CSGALNACT1: variants seen among roughly 807,000 people sequenced by gnomAD.
CSGALNACT1 encodes beta4GalNAcT-1.
Under a neutral mutation model 51.0 loss-of-function variants are expected in CSGALNACT1, and 52 were observed. The observed-to-expected ratio is 1.02, with a 90% CI of 0.82 to 1.29. The LOEUF (loss-of-function observed/expected upper bound fraction) is 1.29. Among genes scored for constraint, CSGALNACT1 ranks in the 50% most tolerant of loss-of-function variants. CSGALNACT1 has a pLI of 0.00. For synonymous variants in CSGALNACT1, 341 were observed against 254.4 expected, an observed-to-expected ratio of 1.34 and a Z score of -3.24; for missense variants, 935 against 679.2, an observed-to-expected ratio of 1.38 and a Z score of -4.19.
At chr8:19,680,868 CT>C in intron 1 of CSGALNACT1, among the ~76,000 whole-genome samples, 1 of 152,158 alleles carries the variant, frequency 6.6e-6, no homozygotes, top group South Asian at 2.1e-4. Flanking sequence ...ACCATTTTTC[CT>C]ACTTGATCTG....
chr8:19,547,474 GA>G (rs978363198), intron 3 of CSGALNACT1, among the ~76,000 whole-genome samples: 3 of 152,042 alleles, frequency 2.0e-5, no homozygotes, highest in Non-Finnish European at 4.4e-5. Context: ...TCATGGTAAT[GA>G]ATAAGTCTCA....
At chr8:19,561,615 C>A (rs560024814) in intron 3 of CSGALNACT1, among the ~76,000 whole-genome samples, 2 of 152,328 alleles carry the variant, frequency 1.3e-5, no homozygotes, top group Admixed American at 6.5e-5. Context: ...TTAAGATCCA[C>A]GTGCAGGCCT....
At chr8:19,686,767 C>T (rs2061001516), upstream of CSGALNACT1, among the ~76,000 whole-genome samples, 1 of 152,162 alleles carries the variant, frequency 6.6e-6, no homozygotes, top group African/African-American at 2.4e-5. Flanking sequence ...CAGAAGGGAA[C>T]ATTCAGAACC....
chr8:19,600,747 G>A, intron 2 of CSGALNACT1, among the ~76,000 whole-genome samples: 1 of 151,602 alleles, frequency 6.6e-6, no homozygotes, highest in Middle Eastern at 3.4e-3. Context: ...TTTAAGTACA[G>A]GGCAGTTCAT....
chr8:19,439,699 C>A (rs1747338446), intron 6 of CSGALNACT1, 131 bp downstream of exon 5: 2 of 751,400 alleles, frequency 2.7e-6, no homozygotes, highest in Admixed American at 2.0e-5. Context: ...CTGAACACAG[C>A]CAGCAATCAA....
intron 1 of CSGALNACT1, among the ~76,000 whole-genome samples, chr8:19,679,326 G>C (rs1261198311): frequency 8.6e-5 from 13 of 151,976 alleles, no homozygotes. Flanking sequence ...TTGGTGATGT[G>C]CATCTCTAGT....
chr8:19,623,858 T>C (rs1054838928), intron 1 of CSGALNACT1, among the ~76,000 whole-genome samples: 1 of 152,220 alleles, frequency 6.6e-6, no homozygotes, highest in Admixed American at 6.5e-5. Context: ...CTCTTAATGA[T>C]CTAATGACCT....
chr8:19,486,607 G>A (rs1463742310), intron 4 of CSGALNACT1, among the ~76,000 whole-genome samples: 3 of 152,064 alleles, frequency 2.0e-5, no homozygotes, highest in Non-Finnish European at 4.4e-5. Flanking sequence ...TCAGGTATAG[G>A]CATGGGTGGC....
chr8:19,649,836 A>AAAAAAAAAAAAAAAAAAC, intron 1 of CSGALNACT1, among the ~76,000 whole-genome samples: 1 of 148,248 alleles, frequency 6.7e-6, no homozygotes, highest in African/African-American at 2.5e-5. Flanking sequence ...AAAAAAAAAA[A>AAAAAAAAAAAAAAAAAAC]AAAAAAAAAC....
At position 19,497,335 on chromosome 8, in the gene CSGALNACT1, C is replaced by A. The variant is rs562579076; in HGVS notation, c.634+7866G>T. On this transcript the variant is annotated intron_variant, in intron 4 of 9. Coordinates refer to ENST00000454498, the Ensembl canonical transcript of CSGALNACT1. ...CAATTGCAGGGCTGAACAGACAATA[C>A]TCAGGGAAAACAACCTCTACCCCAA... Among the ~76,000 whole-genome samples the A allele has an allele frequency of 4.3e-4, 66 of 152,212 alleles. 1 individual carries two copies. In the South Asian group the frequency reaches 0.013, roughly 31 times the overall value.
chr8:19,755,064 T>C (rs769793520), intron 1 of CSGALNACT1, among the ~76,000 whole-genome samples: 1 of 152,186 alleles, frequency 6.6e-6, no homozygotes, highest in African/African-American at 2.4e-5. Context: ...AACAAATATT[T>C]ATTTAGTCCT....
chr8:19,665,921 T>C (rs535869058), intron 1 of CSGALNACT1, among the ~76,000 whole-genome samples: 4 of 152,352 alleles, frequency 2.6e-5, no homozygotes, highest in East Asian at 3.9e-4. Context: ...CCTACATTCA[T>C]CTAACCACAT....
intron 3 of CSGALNACT1, among the ~76,000 whole-genome samples, chr8:19,580,357 C>A (rs1259544364): frequency 1.3e-5 from 2 of 152,200 alleles, no homozygotes; most frequent in Non-Finnish European, 2.9e-5. Flanking sequence ...ACTTTATGAC[C>A]ATGGCACTCA....
intron 1 of CSGALNACT1, among the ~76,000 whole-genome samples, chr8:19,628,679 G>C (rs938483677): frequency 4.0e-5 from 6 of 151,218 alleles, no homozygotes; most frequent in Non-Finnish European, 8.8e-5. Flanking sequence ...TTTGGGTCTC[G>C]CCATGCTGCC....
chr8:19,477,077 T>C (rs1036168957), intron 4 of CSGALNACT1, among the ~76,000 whole-genome samples: 2 of 152,210 alleles, frequency 1.3e-5, no homozygotes, highest in Non-Finnish European at 2.9e-5. Context: ...ACACATGTAA[T>C]TGATCATTAC....
chr8:19,446,259 A>G (rs1586192045), intron 5 of CSGALNACT1, among the ~76,000 whole-genome samples: 1 of 152,170 alleles, frequency 6.6e-6, no homozygotes, highest in Non-Finnish European at 1.5e-5. Flanking sequence ...CGGGCTTTGC[A>G]CGGTTATTCA....
intron 3 of CSGALNACT1, among the ~76,000 whole-genome samples, chr8:19,554,588 C>T (rs1209780847): frequency 1.3e-5 from 2 of 152,186 alleles, no homozygotes; most frequent in South Asian, 2.1e-4. Context: ...TAACTGTAAG[C>T]ATAAAATTTT....
At chr8:19,726,646 T>C (rs28505818) in intron 1 of CSGALNACT1, among the ~76,000 whole-genome samples, 2,653 of 152,294 alleles carry the variant, frequency 0.017, 86 homozygotes, top group African/African-American at 0.061. Flanking sequence ...TTATTAACTA[T>C]AGTCACCATG....
chr8:19,468,075 G>C (rs1262074765), intron 4 of CSGALNACT1, among the ~76,000 whole-genome samples: 1 of 152,156 alleles, frequency 6.6e-6, no homozygotes, highest in Non-Finnish European at 1.5e-5. Flanking sequence ...AACAGAACAG[G>C]ACTCAGATGA....
Sources: gnomAD v4.1 joint callset for allele counts (sites outside exome capture counted in the v4.1 genomes callset) on GRCh38, gnomAD v4.1.1 for gene constraint, MANE v1.5 for transcripts, NCBI Gene and HGNC (gene_info 2026-07-23, HGNC 2026-07-21) for gene names.